NIPA2: variants seen among roughly 807,000 people sequenced by gnomAD.
NIPA2 encodes the protein NIPA magnesium transporter 2.
NIPA2 carries 11 observed loss-of-function variants against 29.7 expected under a neutral mutation model. The ratio of observed to expected loss-of-function variants is 0.37; its 90% CI spans 0.23 to 0.61. The LOEUF (loss-of-function observed/expected upper bound fraction) is 0.61, where lower values mean the gene tolerates loss of function less well. Ranked by LOEUF, NIPA2 falls within the 20% of genes least tolerant of loss-of-function variation. The probability of loss-of-function intolerance (pLI) is 0.66; values close to 1 mark genes in which losing one functional copy is unlikely to be tolerated. For missense variants in NIPA2, 426 were observed against 437.9 expected (o/e 0.97, Z 0.24); for synonymous variants, 183 against 161.9 (o/e 1.13, Z -0.99).
At chr15:22,863,929 G>T (rs1322553682) in intron 7 of NIPA2, among the ~76,000 whole-genome samples, 4 of 152,012 alleles carry the variant, frequency 2.6e-5, no homozygotes, top group Non-Finnish European at 5.9e-5. Context: ...GTTTTTTGTT[G>T]TTGTAGATCC....
chr15:22,866,166 GAACA>G, intron 7 of NIPA2, 43 bp from the exon 8 acceptor site: 1 of 1,524,850 alleles, frequency 6.6e-7, no homozygotes, highest in Non-Finnish European at 9.0e-7. Context: ...CTGTGTTTAA[GAACA>G]ACCAACCATT....
rs2059147129 is a variant in NIPA2, at chr15:22,867,094, CA to C, written c.*248del. On this transcript the variant is annotated 3_prime_UTR_variant, in exon 8 of 8. Transcript: ENST00000337451. ...TTGTTGTAGAAGTATTTTACATTTT[CA>C]TCCCTTCTCCAAAAGCCGAATGCAC... 2 of 490,088 alleles carry C rather than the reference CA, an allele frequency of 4.1e-6. No individual in the cohort carries two copies. Among genetic ancestry groups the C allele is most frequent in the South Asian group, 8.4e-5 (2 of 23,680 alleles). The allele number at this position is 490,088 out of a possible 1,614,324, so 30.4% of individuals were successfully genotyped here.
At chr15:22,849,808 A>C (rs1267037137) in intron 3 of NIPA2, among the ~76,000 whole-genome samples, 2 of 151,932 alleles carry the variant, frequency 1.3e-5, no homozygotes, top group East Asian at 1.9e-4. Flanking sequence ...GTGATCCACC[A>C]GCCTCAGCCT....
chr15:22,842,551 G>A (rs1466691024), intron 2 of NIPA2, among the ~76,000 whole-genome samples: 2 of 151,810 alleles, frequency 1.3e-5, no homozygotes, highest in African/African-American at 2.4e-5. Context: ...AATATTGGCC[G>A]GGCACGGTAA....
intron 3 of NIPA2, among the ~76,000 whole-genome samples, chr15:22,846,790 T>C (rs1308699753): frequency 2.0e-5 from 3 of 149,930 alleles, no homozygotes; most frequent in African/African-American, 7.3e-5. Flanking sequence ...CACTCCAGCC[T>C]GGGTGACAGA....
In NIPA2 at chr15:22,845,741, G is replaced by T. The variant is rs369033222; in HGVS notation, c.-94+474G>T. Among the ~76,000 whole-genome samples the T allele has an allele frequency of 1.5e-3, 233 of 152,208 alleles. 1 individual carries two copies. The highest frequency in any genetic ancestry group is 5.4e-3 in the African/African-American group (225 of 41,528). ...GTGTCAGGTTTCTGTGTTAGGAAAT[G>T]AAGTGGGCAGGAGAGGGGTGCCTGG... On this transcript the variant is annotated intron_variant, in intron 3 of 7. Transcript: ENST00000337451.
intron 7 of NIPA2, among the ~76,000 whole-genome samples, chr15:22,862,049 CT>C (rs57513456): frequency 5.0e-4 from 52 of 103,938 alleles, no homozygotes; most frequent in African/African-American, 5.2e-4. Context: ...ATGGGTCTCT[CT>C]TTTTTTTTTT....
At position 22,867,811 on chromosome 15, in the gene NIPA2, T is replaced by G. The variant is rs1030759223; in HGVS notation, c.*964T>G. ...TGTACCAAGTACTTTGCTTAAGAGC[T>G]CCTTTGGGCCACTACATATTTTGGT... On this transcript the variant is annotated 3_prime_UTR_variant, in exon 8 of 8. Transcript: ENST00000337451. The G allele has an allele frequency of 1.3e-5, 2 of 151,982 alleles. No homozygotes were observed. The highest frequency in any genetic ancestry group is 4.8e-5 in the African/African-American group (2 of 41,388). The allele number at this position is 151,982 out of a possible 1,614,324, so 9.4% of individuals were successfully genotyped here.
intron 6 of NIPA2, among the ~76,000 whole-genome samples, chr15:22,860,105 G>A (rs987449215): frequency 2.7e-5 from 4 of 150,070 alleles, no homozygotes; most frequent in Non-Finnish European, 5.9e-5. Context: ...ATGTCAGCTC[G>A]CTGCAACCTC....
At position 22,851,740 on chromosome 15, in the gene NIPA2, G is replaced by A. The variant is rs1407951977; in HGVS notation, c.9G>A (p.Gln3=). MS[Q]GRGKYDFYIG... ...CTTAAGTAACAAACGAAATGAGCCA[G>A]GGGCGTGGAAAATATGACTTCTATA... Residue 3 remains glutamine, a synonymous_variant, in exon 4 of 8, where the codon CAG becomes CAA. Coordinates refer to ENST00000337451, the MANE Select transcript of NIPA2 (RefSeq NM_030922.7). 3 of 1,611,104 alleles carry A rather than the reference G, an allele frequency of 1.9e-6. No homozygotes were observed. The highest frequency in any genetic ancestry group is 1.7e-6 in the Non-Finnish European group (2 of 1,179,042).
chr15:22,842,264 G>A (rs1053027437), intron 2 of NIPA2, among the ~76,000 whole-genome samples: 1 of 152,156 alleles, frequency 6.6e-6, no homozygotes, highest in African/African-American at 2.4e-5. Flanking sequence ...TACTAGTTAA[G>A]TACCAAAGTA....
At chr15:22,859,262 CTGGT>C (rs1254903715) in intron 6 of NIPA2, among the ~76,000 whole-genome samples, 4 of 150,552 alleles carry the variant, frequency 2.7e-5, no homozygotes, top group Non-Finnish European at 5.9e-5. Flanking sequence ...TTGGTAGGGT[CTGGT>C]TGGTAATGAG....
chr15:22,864,112 C>T (rs900717121), intron 7 of NIPA2, among the ~76,000 whole-genome samples: 2 of 151,946 alleles, frequency 1.3e-5, no homozygotes, highest in African/African-American at 4.8e-5. Flanking sequence ...AGGCTTTGCA[C>T]TTTTCTGTTT....
intron 4 of NIPA2, among the ~76,000 whole-genome samples, chr15:22,852,316 A>C (rs1374283344): frequency 6.6e-6 from 1 of 151,932 alleles, no homozygotes; most frequent in East Asian, 1.9e-4. Context: ...AAAATACAAA[A>C]ATTAGCCGGG....
chr15:22,853,468 G>A (rs1355252064), intron 5 of NIPA2, among the ~76,000 whole-genome samples, 200 bp downstream of exon 5: 1 of 151,382 alleles, frequency 6.6e-6, no homozygotes, highest in Non-Finnish European at 1.5e-5. Flanking sequence ...CCACCTCCTG[G>A]ATTCAAGCGA....
intron 6 of NIPA2, among the ~76,000 whole-genome samples, chr15:22,858,840 G>A (rs114578402): frequency 6.6e-6 from 1 of 152,146 alleles, no homozygotes; most frequent in African/African-American, 2.4e-5. Flanking sequence ...TGTCTTGCTT[G>A]TATTCAGAGC....
chr15:22,858,865 C>T (rs2058401762), intron 6 of NIPA2, among the ~76,000 whole-genome samples: 1 of 152,154 alleles, frequency 6.6e-6, no homozygotes, highest in African/African-American at 2.4e-5. Context: ...ACTAGTTCTA[C>T]TTCGATTTCA....
chr15:22,849,068 T>C (rs867785726), intron 3 of NIPA2, among the ~76,000 whole-genome samples: 11 of 152,152 alleles, frequency 7.2e-5, no homozygotes, highest in South Asian at 4.1e-4. Flanking sequence ...TGTTGCAATC[T>C]TACAGCGTGT....
intron 5 of NIPA2, among the ~76,000 whole-genome samples, chr15:22,858,120 G>A (rs909908531): frequency 4.6e-5 from 7 of 151,978 alleles, no homozygotes; most frequent in Non-Finnish European, 8.8e-5. Flanking sequence ...GAGGCTGGGC[G>A]CAGTGGCTCA....
Sources: gnomAD v4.1 joint callset for allele counts (sites outside exome capture counted in the v4.1 genomes callset) on GRCh38, gnomAD v4.1.1 for gene constraint, MANE v1.5 for transcripts, NCBI Gene and HGNC (gene_info 2026-07-23, HGNC 2026-07-21) for gene names.